Variants in IL17C observed in about 807,000 individuals in gnomAD.
IL17C encodes the protein interleukin 17C, also known as interleukin-17C.
Under a neutral mutation model 11.0 loss-of-function variants are expected in IL17C, and 13 were observed. That is an observed-to-expected ratio of 1.18 (90% CI 0.77 to 1.88). The LOEUF (loss-of-function observed/expected upper bound fraction) is 1.88. Ranked by LOEUF, IL17C falls within the 40% of genes most tolerant of loss-of-function variation. The probability of loss-of-function intolerance (pLI) is 0.00; values close to 1 mark genes in which losing one functional copy is unlikely to be tolerated. For synonymous variants in IL17C, 150 were observed against 125.8 expected, an observed-to-expected ratio of 1.19 and a Z score of -1.29; for missense variants, 357 against 278.2, an observed-to-expected ratio of 1.28 and a Z score of -2.01.
At position 88,640,086 on chromosome 16, in the gene IL17C, G is replaced by A; in HGVS notation, c.*14G>A. 1 of 1,537,144 alleles carries A rather than the reference G, an allele frequency of 6.5e-7. No individual in the cohort carries two copies. The highest frequency in any genetic ancestry group is 8.8e-7 in the Non-Finnish European group (1 of 1,140,458). ...CGTTCAGTGTGACCGCCGAGGCCGT[G>A]GGGCCCCTAGACTGGACACGTGTGC... On this transcript the variant is annotated 3_prime_UTR_variant, in exon 3 of 3. Transcript: ENST00000244241.
chr16:88,639,173 G>C lies in IL17C; in HGVS notation c.199G>C (p.Val67Leu). ...GGGGCAGGCTTTGCCTGTAGCCCTGGTGTCCAGCCTGGAGGCAGCAAGCCA... is the reference window on the plus strand; with the variant it reads ...GGGGCAGGCTTTGCCTGTAGCCCTGCTGTCCAGCCTGGAGGCAGCAAGCCA... ...KWGQALPVAL[V>L]SSLEAASHRG... The change falls in exon 2 of 3, where the codon GTG (valine) becomes CTG (leucine). Residue 67 changes from valine (V) to leucine (L), a missense_variant. By Grantham distance (32) the Val-to-Leu change is conservative. Coordinates refer to ENST00000244241, the MANE Select transcript of IL17C (RefSeq NM_013278.4). This position sits in a 1 kb window ranked among gnomAD's most constrained non-coding sequence, Gnocchi z 5.1. The C allele has an allele frequency of 6.2e-7, 1 of 1,612,888 alleles. No individual in the cohort carries two copies. Among genetic ancestry groups the C allele is most frequent in the Non-Finnish European group, 8.5e-7 (1 of 1,179,916 alleles).
In IL17C at chr16:88,639,108, G is replaced by T. The variant is rs751872056; in HGVS notation, c.134G>T (p.Gly45Val). ...TACTCGGCTGAGGAACTGCCCCTCG[G>T]CCAGGCCCCCCCACACCTGCTGGCT... is the stretch of plus-strand genomic sequence containing the variant. The part of the protein sequence containing the change: ...HCYSAEELPL[G>V]QAPPHLLARG... The change falls in exon 2 of 3, where the codon GGC becomes GTC. Residue 45 changes from glycine to valine, a missense_variant. By Grantham distance (109) the Gly-to-Val change is moderately radical. Transcript: ENST00000244241. This position sits in a 1 kb window ranked among gnomAD's most constrained non-coding sequence, Gnocchi z 5.1. The T allele has an allele frequency of 1.2e-6, 2 of 1,613,118 alleles. No homozygotes were observed. The highest frequency in any genetic ancestry group is 1.7e-5 in the Admixed American group (1 of 60,010).
In IL17C at chr16:88,640,336, C is replaced by T. The variant is rs948766544; in HGVS notation, c.*264C>T. The T allele has an allele frequency of 5.4e-5, 24 of 442,406 alleles. No individual in the cohort carries two copies. Among genetic ancestry groups the T allele is most frequent in the Non-Finnish European group, 9.6e-5 (24 of 250,056 alleles). The allele number at this position is 442,406 out of a possible 1,614,324, so 27.4% of individuals were successfully genotyped here. On this transcript the variant is annotated 3_prime_UTR_variant, in exon 3 of 3. Coordinates refer to ENST00000244241, the MANE Select transcript of IL17C (RefSeq NM_013278.4). ...GCTGCCTGTACCTTGGCTCCCTGTCCTGCTCCCGGCTTCCCTTACCCTATC... is the reference window on the plus strand; with the variant it reads ...GCTGCCTGTACCTTGGCTCCCTGTCTTGCTCCCGGCTTCCCTTACCCTATC...
Position 88,640,147 on chromosome 16 carries a change from TGTTA to T in IL17C, c.*76_*79del. The T allele has an allele frequency of 6.8e-7, 1 of 1,464,146 alleles. No individual in the cohort carries two copies. Among genetic ancestry groups the T allele is most frequent in the Non-Finnish European group, 9.1e-7 (1 of 1,098,916 alleles). The allele number at this position is 1,464,146 out of a possible 1,614,324, so 90.7% of individuals were successfully genotyped here. A position where few individuals can be genotyped will look rare whatever the true frequency, so the allele number is the denominator to read the frequency against. ...GCACCCCCTATTTATGTGTATTTATTGTTATTTATATGCCTCCCCCAACACTACC... is the reference window on the plus strand; with the variant it reads ...GCACCCCCTATTTATGTGTATTTATTTTTATATGCCTCCCCCAACACTACC... On this transcript the variant is annotated 3_prime_UTR_variant, in exon 3 of 3. Transcript: ENST00000244241.
chr16:88,639,252 CGGA>C lies in IL17C; in HGVS notation c.284_286del (p.Glu95del), dbSNP rs1260205386. On this transcript the variant is annotated inframe_deletion, in exon 2 of 3. Coordinates refer to ENST00000244241, the MANE Select transcript of IL17C (RefSeq NM_013278.4). This position sits in a 1 kb window ranked among gnomAD's most constrained non-coding sequence, Gnocchi z 5.1. The stretch of plus-strand genomic sequence containing the variant: ...ACGACCCAGTGCCCGGTGCTGCGGC[CGGA>C]GGAGGTGTTGGAGGCAGACACCCAC... 1.9e-6 allele frequency: 3 copies of C among 1,611,950 alleles called. No individual in the cohort carries two copies. Among genetic ancestry groups the C allele is most frequent in the Non-Finnish European group, 2.5e-6 (3 of 1,179,614 alleles).
intron 1 of IL17C, 102 bp downstream of exon 1, chr16:88,638,749 G>C (rs773198737): frequency 1.5e-4 from 235 of 1,571,190 alleles, no homozygotes; most frequent in Non-Finnish European, 1.5e-4. Context: ...TGTTGGGATG[G>C]GGTCTGGGAA....
rs1009709708 is a variant in IL17C at position 88,640,001 on chromosome 16, G to A, written c.523G>A (p.Ala175Thr). Residue 175 changes from alanine (A) to threonine (T), a missense_variant, in exon 3 of 3, where the codon GCC becomes ACC. Physicochemically the swap from Ala to Thr is moderately conservative, Grantham distance 58. Coordinates refer to ENST00000244241, the MANE Select transcript of IL17C (RefSeq NM_013278.4). ...RDGSGLPTPGAFAFHTEFIHV... is the reference protein window; with the variant it reads ...RDGSGLPTPGTFAFHTEFIHV... ...CGGCTCGGGGCTCCCCACACCTGGG[G>A]CCTTTGCCTTCCACACCGAGTTCAT... is the stretch of plus-strand genomic sequence containing the variant. 6.2e-7 allele frequency: 1 copy of A among 1,606,866 alleles called. No individual in the cohort carries two copies. Among genetic ancestry groups the A allele is most frequent in the African/African-American group, 1.3e-5 (1 of 74,774 alleles).
chr16:88,638,951 T>C, intron 1 of IL17C, 30 bp from the exon 2 acceptor site: 3 of 1,536,136 alleles, frequency 2.0e-6, no homozygotes, highest in Non-Finnish European at 2.6e-6. Context: ...CCTGGGCACC[T>C]CCTAACCACC....
chr16:88,639,922 C>G lies in IL17C; in HGVS notation c.444C>G (p.Ser148=), dbSNP rs11076688. Residue 148 remains serine (S), a synonymous_variant, in exon 3 of 3, where the codon TCC becomes TCG. Transcript: ENST00000244241. The surrounding 1 kb of genome is among the most constrained non-coding windows in gnomAD (Gnocchi z 5.1). ...RTGRETAALN[S]VRLLQSLLVL... ...GCCGCGAGACAGCTGCGCTCAACTC[C>G]GTGCGGCTGCTCCAGAGCCTGCTGG... 6.2e-7 allele frequency: 1 copy of G among 1,610,184 alleles called. No homozygotes were observed. Among genetic ancestry groups the G allele is most frequent in the Non-Finnish European group, 8.5e-7 (1 of 1,179,362 alleles).
rs1255450866 is a variant in IL17C at position 88,639,866 on chromosome 16, C to G, written c.388C>G (p.Leu130Val). 3 of 1,601,744 alleles carry G rather than the reference C, an allele frequency of 1.9e-6. No individual in the cohort carries two copies. Among genetic ancestry groups the G allele is most frequent in the Non-Finnish European group, 2.6e-6 (3 of 1,175,374 alleles). Residue 130 changes from leucine to valine, a missense_variant, in exon 3 of 3, where the codon CTG becomes GTG. Coordinates refer to ENST00000244241, the MANE Select transcript of IL17C (RefSeq NM_013278.4). The surrounding 1 kb of genome is among the most constrained non-coding windows in gnomAD (Gnocchi z 5.1). ...ACAGAAGCTGGCCTTCGCCGAGTGCCTGTGCAGAGGCTGTATCGATGCACG... is the reference window on the plus strand; with the variant it reads ...ACAGAAGCTGGCCTTCGCCGAGTGCGTGTGCAGAGGCTGTATCGATGCACG... ...YPQKLAFAEC[L>V]CRGCIDARTG...
At chr16:88,638,833 A>C in intron 1 of IL17C, 148 bp from the exon 2 acceptor site, 1 of 1,161,598 alleles carries the variant, frequency 8.6e-7, no homozygotes, top group East Asian at 2.4e-5. Flanking sequence ...CTTGGGCTGA[A>C]GGGCTAGCCT....
chr16:88,639,033 A>G lies in IL17C; in HGVS notation c.59A>G (p.His20Arg). The G allele has an allele frequency of 6.2e-7, 1 of 1,607,528 alleles. No individual in the cohort carries two copies. Among genetic ancestry groups the G allele is most frequent in the Non-Finnish European group, 8.5e-7 (1 of 1,176,382 alleles). Residue 20 changes from histidine (H) to arginine (R), a missense_variant, in exon 2 of 3, where the codon CAT (histidine) becomes CGT (arginine). By Grantham distance (29) the His-to-Arg change is conservative (BLOSUM62 0). Coordinates refer to ENST00000244241, the MANE Select transcript of IL17C (RefSeq NM_013278.4). The surrounding 1 kb of genome is among the most constrained non-coding windows in gnomAD (Gnocchi z 5.1). ...TGGCTGCACACATGCCTGGCCCACCATGACCCCTCCCTCAGGGGGCACCCC... is the reference window on the plus strand; with the variant it reads ...TGGCTGCACACATGCCTGGCCCACCGTGACCCCTCCCTCAGGGGGCACCCC... The part of the protein sequence containing the change: ...LTWLHTCLAH[H>R]DPSLRGHPHS...
chr16:88,639,825 A>T lies in IL17C; in HGVS notation c.347A>T (p.Asp116Val), dbSNP rs750380005. 5.1e-6 allele frequency: 8 copies of T among 1,569,502 alleles called. No individual in the cohort carries two copies. In the South Asian group the frequency reaches 9.2e-5, roughly 18 times the overall value. The stretch of plus-strand genomic sequence containing the variant: ...ACCCCGTCCCGCAGTGTGGACACGG[A>T]TGAGGACCGCTATCCACAGAAGCTG... Reference protein sequence around the residue: ...ISPWRYRVDTDEDRYPQKLAF... With the variant: ...ISPWRYRVDTVEDRYPQKLAF... Residue 116 changes from aspartate (D) to valine (V), a missense_variant, in exon 3 of 3, where the codon GAT (aspartate) becomes GTT (valine). By Grantham distance (152) the Asp-to-Val change is radical (BLOSUM62 -3). Coordinates refer to ENST00000244241, the MANE Select transcript of IL17C (RefSeq NM_013278.4). The surrounding 1 kb of genome is among the most constrained non-coding windows in gnomAD (Gnocchi z 5.1).
rs774146951 is a variant in IL17C, at chr16:88,639,078, A to G, written c.104A>G (p.His35Arg). The G allele has an allele frequency of 2.6e-5, 42 of 1,612,890 alleles. No homozygotes were observed. Among genetic ancestry groups the G allele is most frequent in the Admixed American group, 3.3e-5 (2 of 59,978 alleles). ...CACCCCCACAGTCACGGTACCCCAC[A>G]CTGCTACTCGGCTGAGGAACTGCCC... is the stretch of plus-strand genomic sequence containing the variant. ...RGHPHSHGTP[H>R]CYSAEELPLG... The change falls in exon 2 of 3, where the codon CAC becomes CGC. Residue 35 changes from histidine (H) to arginine (R), a missense_variant. Coordinates refer to ENST00000244241, the MANE Select transcript of IL17C (RefSeq NM_013278.4). This position sits in a 1 kb window ranked among gnomAD's most constrained non-coding sequence, Gnocchi z 5.1.
In IL17C at chr16:88,638,635, C is replaced by T. The variant is rs201867947; in HGVS notation, c.-7C>T. On this transcript the variant is annotated 5_prime_UTR_variant, in exon 1 of 3. Coordinates refer to ENST00000244241, the MANE Select transcript of IL17C (RefSeq NM_013278.4). The stretch of plus-strand genomic sequence containing the variant: ...CTCCAAGCCCAGCCTGCCCCGCTGC[C>T]GCCACCATGACGGTGAGCCTCTCCA... 238 of 1,612,734 alleles carry T rather than the reference C, an allele frequency of 1.5e-4. 1 individual carries two copies. The African/African-American group carries it at 1.7e-3, about 11-fold the overall frequency.
Position 88,640,224 on chromosome 16 carries a change from TCTC to T in IL17C, c.*156_*158del. The stretch of plus-strand genomic sequence containing the variant: ...TGTCTGGAGGACAGCCCCCCACTGT[TCTC>T]CTCATCTCCAGCCTCAGTAGTTGGG... On this transcript the variant is annotated 3_prime_UTR_variant, in exon 3 of 3. Transcript: ENST00000244241. 7.7e-6 allele frequency: 6 copies of T among 779,344 alleles called. No homozygotes were observed. Among genetic ancestry groups the T allele is most frequent in the Non-Finnish European group, 9.8e-6 (5 of 512,738 alleles). The allele number at this position is 779,344 out of a possible 1,614,324, so 48.3% of individuals were successfully genotyped here.
At chr16:88,638,759 A>G in intron 1 of IL17C, 112 bp downstream of exon 1, 2 of 1,523,848 alleles carry the variant, frequency 1.3e-6, no homozygotes, top group East Asian at 2.3e-5. Flanking sequence ...GGGTCTGGGA[A>G]ACCCCTCAGT....
intron 1 of IL17C, 138 bp from the exon 2 acceptor site, chr16:88,638,840 GCCT>G: frequency 8.7e-7 from 1 of 1,144,088 alleles, no homozygotes; most frequent in South Asian, 1.3e-5. Context: ...TGAAGGGCTA[GCCT>G]CTCTGGGCTT....
chr16:88,639,979 C>G lies in IL17C; in HGVS notation c.501C>G (p.Gly167=). ...GCCGCCGGCCCTGCTCCCGCGACGG[C>G]TCGGGGCTCCCCACACCTGGGGCCT... ...VLRRRPCSRD[G]SGLPTPGAFA... is the part of the protein sequence containing the mutation. Residue 167 remains glycine (G), a synonymous_variant, in exon 3 of 3, where the codon GGC becomes GGG. Transcript: ENST00000244241. The surrounding 1 kb of genome is among the most constrained non-coding windows in gnomAD (Gnocchi z 5.1). The G allele has an allele frequency of 6.2e-7, 1 of 1,609,796 alleles. No individual in the cohort carries two copies. The highest frequency in any genetic ancestry group is 8.5e-7 in the Non-Finnish European group (1 of 1,178,300).
Sources: allele counts gnomAD v4.1 joint callset, GRCh38; gene constraint gnomAD v4.1.1; non-coding constraint Gnocchi (gnomAD v3.1); transcripts MANE v1.5; gene names NCBI Gene and HGNC (gene_info 2026-07-23, HGNC 2026-07-21).